GPR176: variants seen among roughly 807,000 people sequenced by gnomAD.
GPR176 encodes the protein G-protein coupled receptor 176.
A neutral mutation model predicts 35.4 loss-of-function variants in GPR176; 26 were observed. The observed-to-expected ratio is 0.74, with a 90% CI of 0.54 to 1.02. The LOEUF (loss-of-function observed/expected upper bound fraction) is 1.02. Ranked by LOEUF, GPR176 falls within the 50% of genes least tolerant of loss-of-function variation. GPR176 has a pLI of 0.00. For synonymous variants in GPR176, 278 were observed against 271.3 expected (o/e 1.02, Z -0.24); for missense variants, 597 against 665.3 (o/e 0.90, Z 1.13).
chr15:39,892,121 A>T lies in GPR176; in HGVS notation c.172+27734T>A, dbSNP rs116696980. Among the ~76,000 whole-genome samples the T allele has an allele frequency of 4.6e-3, 706 of 152,346 alleles. 6 individuals are homozygous for T. The highest frequency in any genetic ancestry group is 0.016 in the African/African-American group (678 of 41,582). ...TGTGCCAGGTGCTATAGGGAAAAAG[A>T]AAGTATGAAGCACCCCATCCTTAGG... is the stretch of plus-strand genomic sequence containing the variant. On this transcript the variant is annotated intron_variant, in intron 1 of 2. Coordinates refer to ENST00000561100, the MANE Select transcript of GPR176 (RefSeq NM_007223.3).
intron 1 of GPR176, among the ~76,000 whole-genome samples, chr15:39,854,391 T>A (rs1242705185): frequency 6.6e-6 from 1 of 152,138 alleles, no homozygotes; most frequent in Non-Finnish European, 1.5e-5. Flanking sequence ...TACTATATCA[T>A]AAGGAGTGGA....
chr15:39,821,467 T>C (rs1243787379), intron 1 of GPR176, among the ~76,000 whole-genome samples: 1 of 152,246 alleles, frequency 6.6e-6, no homozygotes, highest in Non-Finnish European at 1.5e-5. Context: ...GTGTTATTCT[T>C]ATAAAGGCTT....
intron 1 of GPR176, among the ~76,000 whole-genome samples, chr15:39,891,182 T>C (rs1349504408): frequency 6.6e-6 from 1 of 152,156 alleles, no homozygotes; most frequent in East Asian, 1.9e-4. Flanking sequence ...AAAACTTCTA[T>C]TTGCTTAGCA....
chr15:39,856,714 C>T (rs1436274), intron 1 of GPR176, among the ~76,000 whole-genome samples: 29,165 of 152,140 alleles, frequency 0.19, 3,216 homozygotes, highest in Admixed American at 0.35. Context: ...TCACATACTG[C>T]CTTATTCTAT....
intron 1 of GPR176, among the ~76,000 whole-genome samples, chr15:39,888,159 C>T (rs2032737640): frequency 6.6e-6 from 1 of 152,166 alleles, no homozygotes; most frequent in South Asian, 2.1e-4. Flanking sequence ...GAGTACTAAG[C>T]CACCTCTTTG....
chr15:39,802,184 T>C lies in GPR176; in HGVS notation c.496A>G (p.Ile166Val). 6.2e-7 allele frequency: 1 copy of C among 1,614,116 alleles called. No individual in the cohort carries two copies. Among genetic ancestry groups the C allele is most frequent in the Non-Finnish European group, 8.5e-7 (1 of 1,179,954 alleles). Residue 166 changes from isoleucine (I) to valine (V), a missense_variant, in exon 3 of 3, where the codon ATC (isoleucine) becomes GTC (valine). By Grantham distance (29) the Ile-to-Val change is conservative. This residue lies in a region of GPR176 where 220 missense variants were observed against 297.6 expected (regional missense o/e 0.74). Transcript: ENST00000561100. ...CTGGCCACCACTGCATGGGCCCAGA[T>C]GTACATCACCAGTTCACGGGACTTG... ...DAKSRELVMY[I>V]WAHAVVASVP...
At chr15:39,910,364 G>A (rs2033544513) in intron 1 of GPR176, among the ~76,000 whole-genome samples, 2 of 152,132 alleles carry the variant, frequency 1.3e-5, no homozygotes, top group Admixed American at 1.3e-4. Context: ...AAGGCTGGTG[G>A]ATCACCTGAA....
chr15:39,908,905 T>A (rs1346800783), intron 1 of GPR176, among the ~76,000 whole-genome samples: 1 of 152,204 alleles, frequency 6.6e-6, no homozygotes, highest in Non-Finnish European at 1.5e-5. Flanking sequence ...CAGTAAAGCC[T>A]GAATCATGTG....
At chr15:39,883,368 A>G (rs2032553032) in intron 1 of GPR176, among the ~76,000 whole-genome samples, 2 of 152,190 alleles carry the variant, frequency 1.3e-5, no homozygotes, top group Admixed American at 1.3e-4. Context: ...ATTAATTTTC[A>G]AGCATGCTTT....
At position 39,802,101 on chromosome 15, in the gene GPR176, C is replaced by A; in HGVS notation, c.579G>T (p.Thr193=). The A allele has an allele frequency of 6.2e-7, 1 of 1,614,134 alleles. No individual in the cohort carries two copies. Among genetic ancestry groups the A allele is most frequent in the East Asian group, 2.2e-5 (1 of 44,876 alleles). Residue 193 remains threonine (T), a synonymous_variant, in exon 3 of 3, where the codon ACG becomes ACT. Transcript: ENST00000561100. The part of the protein sequence containing the change: ...VADIYATSTC[T]EVWSNSLGHL... ...GGCCCAAGGAGTTGCTCCAGACTTC[C>A]GTGCAGGTGGACGTGGCATAGATGT... is the stretch of plus-strand genomic sequence containing the variant.
At position 39,897,597 on chromosome 15, in the gene GPR176, A is replaced by ATTTTTT. The variant is rs1491229135; in HGVS notation, c.172+22257_172+22258insAAAAAA. Among the ~76,000 whole-genome samples, 354 of 93,724 alleles carry ATTTTTT rather than the reference A, an allele frequency of 3.8e-3. 4 individuals carry two copies. The highest frequency in any genetic ancestry group is 0.014 in the African/African-American group (342 of 24,598). 61.5% of individuals were successfully genotyped at this position (93,724 alleles called of 152,430 possible). ...CTGAGAGATCATGAGAAACATCCAA[A>ATTTTTT]TATTTTTTTTTTTTTTTTTTTTTTT... On this transcript the variant is annotated intron_variant, in intron 1 of 2. Transcript: ENST00000561100.
At position 39,901,608 on chromosome 15, in the gene GPR176, C is replaced by T. The variant is rs138066395; in HGVS notation, c.172+18247G>A. 8.5e-5 allele frequency among the ~76,000 whole-genome samples: 13 copies of T among 152,322 alleles called. No individual in the cohort carries two copies. In the East Asian group the frequency reaches 2.3e-3, roughly 27 times the overall value. ...AAAAAGTCTTCTAATGACCTTAGCACTTATCTTAAACAGCTTTTTCCCTTC... is the reference window on the plus strand; with the variant it reads ...AAAAAGTCTTCTAATGACCTTAGCATTTATCTTAAACAGCTTTTTCCCTTC... On this transcript the variant is annotated intron_variant, in intron 1 of 2. Transcript: ENST00000561100.
rs1316705368 is a variant in GPR176, at chr15:39,801,895, G to C, written c.785C>G (p.Ala262Gly). 4.3e-6 allele frequency: 7 copies of C among 1,614,032 alleles called. No homozygotes were observed. The highest frequency in any genetic ancestry group is 8.5e-7 in the Non-Finnish European group (1 of 1,179,962). Reference protein sequence around the residue: ...ISIPYASQREAELHATLLSMV... With the variant: ...ISIPYASQREGELHATLLSMV... ...GGAGAGCAGGGTGGCGTGCAGCTCG[G>C]CCTCCCGCTGGGAGGCATAGGGAAT... is the stretch of plus-strand genomic sequence containing the variant. The change falls in exon 3 of 3, where the codon GCC becomes GGC. Residue 262 changes from alanine to glycine, a missense_variant. This residue lies in a region of GPR176 where 220 missense variants were observed against 297.6 expected (regional missense o/e 0.74). Transcript: ENST00000561100.
chr15:39,807,069 T>C lies in GPR176; in HGVS notation c.362A>G (p.Lys121Arg), dbSNP rs1899239061. ...IYTMLFCKVV[K>R]FLHKVFCSVT... Reference sequence around the variant, plus strand: ...AGAGCAGAATACTTTGTGCAAAAATTTGACGACCTTGCAGAAGAGCATGGT... The same window carrying C: ...AGAGCAGAATACTTTGTGCAAAAATCTGACGACCTTGCAGAAGAGCATGGT... The change falls in exon 2 of 3, where the codon AAA becomes AGA. Residue 121 changes from lysine to arginine, a missense_variant. Around this residue, in one of 3 missense-constraint regions of GPR176, gnomAD observed 220 missense variants for 297.6 expected, o/e 0.74. Transcript: ENST00000561100. The C allele has an allele frequency of 6.2e-7, 1 of 1,613,890 alleles. No homozygotes were observed. Among genetic ancestry groups the C allele is most frequent in the Non-Finnish European group, 8.5e-7 (1 of 1,179,842 alleles).
intron 1 of GPR176, among the ~76,000 whole-genome samples, chr15:39,895,443 G>C (rs773928118): frequency 6.6e-6 from 1 of 152,126 alleles, no homozygotes; most frequent in Admixed American, 6.6e-5. Flanking sequence ...ATGAACAGTT[G>C]GGCCAAGCTT....
intron 1 of GPR176, among the ~76,000 whole-genome samples, chr15:39,892,685 G>C (rs1012094581): frequency 1.3e-5 from 2 of 152,244 alleles, no homozygotes; most frequent in Non-Finnish European, 2.9e-5. Flanking sequence ...GCAGGGACTG[G>C]AGTGATGCAG....
At chr15:39,861,547 C>CA (rs34934673) in intron 1 of GPR176, among the ~76,000 whole-genome samples, 8,359 of 137,064 alleles carry the variant, frequency 0.061, 411 homozygotes, top group African/African-American at 0.14. Context: ...GACTCCATCT[C>CA]AAAAAAAAAA....
At chr15:39,900,566 A>G (rs2033247669) in intron 1 of GPR176, among the ~76,000 whole-genome samples, 1 of 152,214 alleles carries the variant, frequency 6.6e-6, no homozygotes, top group Admixed American at 6.5e-5. Flanking sequence ...ATATTCTAAC[A>G]AGAGATTTGC....
chr15:39,811,712 C>T (rs180957013), intron 1 of GPR176, among the ~76,000 whole-genome samples: 26 of 152,136 alleles, frequency 1.7e-4, no homozygotes, highest in East Asian at 1.4e-3. Flanking sequence ...GTCAGGAGAT[C>T]AAGACCATCC....
Sources: allele counts gnomAD v4.1 joint callset (sites outside exome capture counted in the v4.1 genomes callset), GRCh38; gene constraint gnomAD v4.1.1; regional missense constraint gnomAD v4.1.1; transcripts MANE v1.5; gene names NCBI Gene and HGNC (gene_info 2026-07-23, HGNC 2026-07-21).